The following LHCGR variants were observed in gnomAD, a reference collection of about 807,000 sequenced individuals.
LHCGR encodes lutropin-choriogonadotropic hormone receptor.
In LHCGR, 55 loss-of-function variants were observed where a neutral mutation model predicts 60.7. That is an observed-to-expected ratio of 0.91 (90% confidence interval 0.73 to 1.13). The LOEUF is 1.13. LHCGR is among the 50% of genes most tolerant of loss of function. The pLI is 0.00. For synonymous variants in LHCGR, 337 were observed against 316.5 expected (o/e 1.06, Z -0.69); for missense variants, 862 against 836.0 (o/e 1.03, Z -0.38).
chr2:48,729,163 A>G lies in LHCGR; in HGVS notation c.298T>C (p.Leu100=), dbSNP rs1170007998. 2 of 1,610,608 alleles carry G rather than the reference A, an allele frequency of 1.2e-6. No individual in the cohort carries two copies. Among genetic ancestry groups the G allele is most frequent in the Admixed American group, 1.7e-5 (1 of 60,004 alleles). ...EANAFDNLLN[L]SEILIQNTKN... ...TTAGCTGATGCTTACATTTCAGACAAATTGAGGAGGTTGTCAAAGGCATTA... is the reference window on the plus strand; with the variant it reads ...TTAGCTGATGCTTACATTTCAGACAGATTGAGGAGGTTGTCAAAGGCATTA... The change falls in exon 3 of 11, where the codon TTG becomes CTG. Residue 100 remains leucine (L), a synonymous_variant. Coordinates refer to ENST00000294954, the MANE Select transcript of LHCGR (RefSeq NM_000233.4).
intron 1 of LHCGR, among the ~76,000 whole-genome samples, chr2:48,745,081 A>G (rs1291959903): frequency 1.3e-5 from 2 of 152,226 alleles, no homozygotes; most frequent in Non-Finnish European, 2.9e-5. Flanking sequence ...TGCAGCCAAA[A>G]AACACATGAA....
chr2:48,725,513 G>A (rs1421537779), intron 4 of LHCGR, among the ~76,000 whole-genome samples, 163 bp downstream of exon 4: 1 of 152,180 alleles, frequency 6.6e-6, no homozygotes, highest in Non-Finnish European at 1.5e-5. Context: ...CTCGGTGGCT[G>A]ACAAGAAATG....
intron 1 of LHCGR, among the ~76,000 whole-genome samples, chr2:48,737,584 G>A (rs908489244): frequency 6.6e-6 from 1 of 152,124 alleles, no homozygotes; most frequent in Non-Finnish European, 1.5e-5. Flanking sequence ...GCTGTCAAAG[G>A]CATCGGACTA....
intron 8 of LHCGR, among the ~76,000 whole-genome samples, chr2:48,708,204 C>T (rs1320322313): frequency 2.6e-5 from 4 of 152,142 alleles, no homozygotes; most frequent in Non-Finnish European, 5.9e-5. Flanking sequence ...ACTGAGAGAG[C>T]CTGGCCCTAA....
intron 10 of LHCGR, among the ~76,000 whole-genome samples, chr2:48,692,029 T>C (rs1666873443): frequency 6.6e-6 from 1 of 152,102 alleles, no homozygotes; most frequent in Non-Finnish European, 1.5e-5. Context: ...TCACTCTCTC[T>C]CATTGTTTTT....
At chr2:48,717,288 C>G (rs1668290339) in intron 6 of LHCGR, among the ~76,000 whole-genome samples, 1 of 152,196 alleles carries the variant, frequency 6.6e-6, no homozygotes, top group South Asian at 2.1e-4. Context: ...TTCTGTTAGA[C>G]TCACAGTGTC....
chr2:48,740,250 C>A (rs1231673030), intron 1 of LHCGR, among the ~76,000 whole-genome samples: 2 of 152,242 alleles, frequency 1.3e-5, no homozygotes, highest in Non-Finnish European at 2.9e-5. Flanking sequence ...TGCAAGGTGG[C>A]AGCGAGGCTG....
At chr2:48,733,054 T>C (rs1669068323) in intron 1 of LHCGR, 1 of 506,298 alleles carries the variant, frequency 2.0e-6, no homozygotes, top group Non-Finnish European at 4.1e-6. Flanking sequence ...AAACACAGTT[T>C]TATTGCTCTC....
chr2:48,711,793 T>A (rs974621004), intron 7 of LHCGR, among the ~76,000 whole-genome samples: 4 of 152,166 alleles, frequency 2.6e-5, no homozygotes, highest in African/African-American at 9.7e-5. Flanking sequence ...TCCCCTCTAT[T>A]CAGATGATCC....
intron 10 of LHCGR, among the ~76,000 whole-genome samples, chr2:48,690,685 G>A (rs1680189137): frequency 6.6e-6 from 1 of 152,138 alleles, no homozygotes; most frequent in African/African-American, 2.4e-5. Flanking sequence ...CTCCTCATCT[G>A]TAAAGATAAG....
intron 8 of LHCGR, among the ~76,000 whole-genome samples, chr2:48,707,636 A>G (rs1667756597): frequency 1.3e-5 from 2 of 152,366 alleles, no homozygotes; most frequent in East Asian, 3.9e-4. Flanking sequence ...GCTGAGCTGT[A>G]TTGGGCTCCG....
chr2:48,728,020 C>T (rs1668817954), intron 3 of LHCGR, among the ~76,000 whole-genome samples: 1 of 152,154 alleles, frequency 6.6e-6, no homozygotes, highest in Non-Finnish European at 1.5e-5. Flanking sequence ...CTGCATGCCA[C>T]ATGTGGCCCA....
At chr2:48,691,600 C>T (rs745810757) in intron 10 of LHCGR, among the ~76,000 whole-genome samples, 4 of 152,130 alleles carry the variant, frequency 2.6e-5, no homozygotes, top group Non-Finnish European at 4.4e-5. Flanking sequence ...AATCCCAGCA[C>T]TTTAGGAGGC....
intron 4 of LHCGR, 98 bp downstream of exon 4, chr2:48,725,578 T>C (rs1369029099): frequency 5.8e-6 from 5 of 862,642 alleles, no homozygotes; most frequent in Non-Finnish European, 7.9e-6. Context: ...GTGCCATGTA[T>C]ATGGTTAAAC....
intron 8 of LHCGR, 89 bp downstream of exon 8, chr2:48,708,859 A>T (rs561468393): frequency 1.0e-6 from 1 of 992,908 alleles, no homozygotes; most frequent in South Asian, 1.3e-5. Flanking sequence ...TGTCTCACAT[A>T]TCAGCTTGGG....
At chr2:48,710,489 A>G (rs1667926111) in intron 7 of LHCGR, among the ~76,000 whole-genome samples, 1 of 152,236 alleles carries the variant, frequency 6.6e-6, no homozygotes, top group African/African-American at 2.4e-5. Context: ...CTGTATACTG[A>G]TAACTCTGTA....
intron 9 of LHCGR, among the ~76,000 whole-genome samples, chr2:48,698,161 G>A (rs1434852964): frequency 5.9e-5 from 9 of 152,222 alleles, no homozygotes; most frequent in East Asian, 3.9e-4. Context: ...GAAGATGCTC[G>A]TCTACTAGGA....
intron 1 of LHCGR, among the ~76,000 whole-genome samples, chr2:48,743,278 G>A (rs541215136): frequency 4.0e-5 from 6 of 151,870 alleles, no homozygotes; most frequent in African/African-American, 1.4e-4. Flanking sequence ...GGAGGAACTG[G>A]TACCATTCCT....
At position 48,731,955 on chromosome 2, in the gene LHCGR, A is replaced by C. The variant is rs573586391; in HGVS notation, c.162-657T>G. 1.4e-4 allele frequency among the ~76,000 whole-genome samples: 21 copies of C among 152,370 alleles called. 1 individual carries two copies. In the South Asian group the frequency reaches 4.1e-3, roughly 30 times the overall value. On this transcript the variant is annotated intron_variant, in intron 1 of 10. Transcript: ENST00000294954. ...GATCCTATGGTTAACTCACATGGGC[A>C]TCTCATGTCATTTGCGGGGAATGTC...
Sources: allele counts gnomAD v4.1 joint callset (sites outside exome capture counted in the v4.1 genomes callset), GRCh38; gene constraint gnomAD v4.1.1; transcripts MANE v1.5; gene names NCBI Gene and HGNC (gene_info 2026-07-23, HGNC 2026-07-21).